ERC1: variants seen among roughly 807,000 people sequenced by gnomAD.
ERC1 encodes ELKS/RAB6-interacting/CAST family member 1.
Under a neutral mutation model 132.0 loss-of-function variants are expected in ERC1, and 56 were observed. That is an observed-to-expected ratio of 0.42 (90% confidence interval 0.34 to 0.53). The LOEUF is 0.53. Ranked by LOEUF, ERC1 falls within the 20% of genes least tolerant of loss-of-function variation. The probability of loss-of-function intolerance (pLI) is 0.03; values close to 1 mark genes in which losing one functional copy is unlikely to be tolerated. For missense variants in ERC1, 1,202 were observed against 1,349.9 expected (o/e 0.89, Z 1.72); for synonymous variants, 478 against 476.1 (o/e 1.00, Z -0.05).
intron 3 of ERC1, among the ~76,000 whole-genome samples, chr12:1,096,939 C>T (rs1944111064): frequency 6.6e-6 from 1 of 152,170 alleles, no homozygotes; most frequent in South Asian, 2.1e-4. Flanking sequence ...ATACTTATCA[C>T]ATCTGATCCT....
intron 15 of ERC1, among the ~76,000 whole-genome samples, chr12:1,348,233 C>T (rs2154365382): frequency 6.6e-6 from 1 of 152,242 alleles, no homozygotes; most frequent in East Asian, 1.9e-4. Flanking sequence ...AGAAGTGAAC[C>T]AGACGTCTTT....
At chr12:1,294,146 T>C (rs12311399) in intron 15 of ERC1, among the ~76,000 whole-genome samples, 15,343 of 152,238 alleles carry the variant, frequency 0.1, 943 homozygotes, top group African/African-American at 0.16. Context: ...CCCTTTTTTC[T>C]GCCCTGATAT....
chr12:1,391,681 G>A (rs149176730), intron 16 of ERC1, among the ~76,000 whole-genome samples: 59 of 152,270 alleles, frequency 3.9e-4, no homozygotes, highest in African/African-American at 1.3e-3. Flanking sequence ...GGGGCCCGCC[G>A]CTTGGTCTTT....
chr12:1,053,050 T>C (rs1424066154), intron 2 of ERC1, among the ~76,000 whole-genome samples: 1 of 152,208 alleles, frequency 6.6e-6, no homozygotes, highest in Non-Finnish European at 1.5e-5. Context: ...GTTCATGGAA[T>C]TAATAAGTTG....
intron 12 of ERC1, among the ~76,000 whole-genome samples, chr12:1,210,536 G>T (rs911135026): frequency 6.6e-6 from 1 of 152,178 alleles, no homozygotes; most frequent in Admixed American, 6.5e-5. Context: ...TCTTTAAGGT[G>T]TAGTGTAATG....
chr12:1,276,958 G>A (rs2078318304), intron 14 of ERC1, among the ~76,000 whole-genome samples: 1 of 152,198 alleles, frequency 6.6e-6, no homozygotes, highest in African/African-American at 2.4e-5. Context: ...CATCTGAACA[G>A]AAGAACTTAA....
intron 18 of ERC1, among the ~76,000 whole-genome samples, chr12:1,472,357 A>T (rs1282504792): frequency 6.6e-6 from 1 of 152,150 alleles, no homozygotes; most frequent in African/African-American, 2.4e-5. Context: ...ACCTAACATT[A>T]AAAAATCTAG....
At chr12:1,068,225 C>T (rs61918734) in intron 2 of ERC1, among the ~76,000 whole-genome samples, 15 of 148,096 alleles carry the variant, frequency 1.0e-4, no homozygotes, top group African/African-American at 2.5e-4. Context: ...CCACCGCGCC[C>T]GGCGATGCTG....
intron 18 of ERC1, among the ~76,000 whole-genome samples, chr12:1,470,860 G>A (rs73601904): frequency 0.021 from 3,254 of 152,256 alleles, 124 homozygotes; most frequent in African/African-American, 0.075. Flanking sequence ...CTTCGTCCAA[G>A]CATTCCACAC....
rs138932520 is a variant in ERC1, at chr12:1,304,577, C to T, written c.2780+14565C>T. ...CTGGTTAAGCAGCCAAAAGAGTCTT[C>T]GGTTGTCTCTGAGTTGCTATCTTTC... On this transcript the variant is annotated intron_variant, in intron 15 of 18. Coordinates refer to ENST00000360905, the MANE Select transcript of ERC1 (RefSeq NM_178040.4). Among the ~76,000 whole-genome samples, 801 of 152,034 alleles carry T rather than the reference C, an allele frequency of 5.3e-3. 6 individuals are homozygous for T. Among genetic ancestry groups the T allele is most frequent in the African/African-American group, 0.018 (755 of 41,516 alleles).
chr12:1,325,167 A>C (rs2082362187), intron 15 of ERC1, among the ~76,000 whole-genome samples: 1 of 152,144 alleles, frequency 6.6e-6, no homozygotes. Flanking sequence ...CAGAACATGG[A>C]CTTTGAGAAG....
intron 13 of ERC1, among the ~76,000 whole-genome samples, chr12:1,253,828 A>C (rs1219335812): frequency 6.6e-6 from 1 of 152,066 alleles, no homozygotes; most frequent in Non-Finnish European, 1.5e-5. Context: ...TCTCCCTGTT[A>C]ATCTGCCTGA....
intron 18 of ERC1, among the ~76,000 whole-genome samples, chr12:1,459,688 C>T (rs1470604291): frequency 6.6e-6 from 1 of 152,224 alleles, no homozygotes; most frequent in East Asian, 1.9e-4. Context: ...CTGAAAGTAT[C>T]TCGTCAAACA....
At chr12:996,257 T>C (rs1231839709) in intron 1 of ERC1, among the ~76,000 whole-genome samples, 1 of 138,202 alleles carries the variant, frequency 7.2e-6, no homozygotes, top group African/African-American at 2.7e-5. Flanking sequence ...GGCTTTTTTT[T>C]TTTTTTTTTT....
chr12:1,210,024 A>G (rs994289624), intron 12 of ERC1, among the ~76,000 whole-genome samples: 1 of 152,226 alleles, frequency 6.6e-6, no homozygotes, highest in Non-Finnish European at 1.5e-5. Flanking sequence ...GAGCAAAAGC[A>G]CTGTTTTCAC....
At chr12:1,027,047 TG>T (rs1388193226) in intron 1 of ERC1, among the ~76,000 whole-genome samples, 2 of 152,246 alleles carry the variant, frequency 1.3e-5, no homozygotes, top group African/African-American at 4.8e-5. Context: ...TTTGTTTAGG[TG>T]TTCTTTCATG....
At chr12:1,273,898 A>G (rs1195347527) in intron 14 of ERC1, among the ~76,000 whole-genome samples, 1 of 152,234 alleles carries the variant, frequency 6.6e-6, no homozygotes, top group Non-Finnish European at 1.5e-5. Flanking sequence ...ATTTTCTGAT[A>G]TAGTTGGTCA....
intron 16 of ERC1, among the ~76,000 whole-genome samples, chr12:1,378,468 C>T (rs1383930112): frequency 1.3e-5 from 2 of 152,116 alleles, no homozygotes; most frequent in South Asian, 2.1e-4. Flanking sequence ...AAAAATTATA[C>T]GAAAAATTCT....
chr12:1,421,479 A>G (rs1213935901), intron 17 of ERC1, among the ~76,000 whole-genome samples: 2 of 152,148 alleles, frequency 1.3e-5, no homozygotes, highest in Non-Finnish European at 2.9e-5. Flanking sequence ...GTCAAAAGCT[A>G]TCTTCATACA....
Sources: gnomAD v4.1 joint callset for allele counts (sites outside exome capture counted in the v4.1 genomes callset) on GRCh38, gnomAD v4.1.1 for gene constraint, MANE v1.5 for transcripts, NCBI Gene and HGNC (gene_info 2026-07-23, HGNC 2026-07-21) for gene names.